Variants in FGF23 observed in about 807,000 individuals in gnomAD.
FGF23 encodes the protein phosphatonin.
A neutral mutation model predicts 9.0 loss-of-function variants in FGF23; 8 were observed. That is an observed-to-expected ratio of 0.89 (90% confidence interval 0.52 to 1.60). The LOEUF is 1.60. FGF23 is among the 40% of genes most tolerant of loss of function. The pLI is 0.00. For synonymous variants in FGF23, 118 were observed against 146.2 expected, an observed-to-expected ratio of 0.81 and a Z score of 1.39; for missense variants, 311 against 344.3, an observed-to-expected ratio of 0.90 and a Z score of 0.77.
At position 4,369,459 on chromosome 12, in the gene FGF23, A is replaced by G. The variant is rs1865036760; in HGVS notation, c.*884T>C. On this transcript the variant is annotated 3_prime_UTR_variant, in exon 3 of 3. Transcript: ENST00000237837. ...GAGTTGGAATTTATTTCCATTTTGA[A>G]AAGCAAATTCTAGCAGGGCAGATTT... is the stretch of plus-strand genomic sequence containing the variant. 3 of 229,584 alleles carry G rather than the reference A, an allele frequency of 1.3e-5. No individual in the cohort carries two copies. Among genetic ancestry groups the G allele is most frequent in the Non-Finnish European group, 2.6e-5 (3 of 115,806 alleles). The allele number at this position is 229,584 out of a possible 1,614,324, so 14.2% of individuals were successfully genotyped here. A position where few individuals can be genotyped will look rare whatever the true frequency, so the allele number is the denominator to read the frequency against.
chr12:4,379,319 G>T, intron 1 of FGF23, 53 bp downstream of exon 1: 2 of 1,533,138 alleles, frequency 1.3e-6, no homozygotes, highest in Non-Finnish European at 1.8e-6. Flanking sequence ...CAAGCCTCCT[G>T]TAGATGGACA....
chr12:4,372,804 G>T, intron 1 of FGF23, 107 bp from the exon 2 acceptor site: 2 of 784,092 alleles, frequency 2.6e-6, no homozygotes, highest in South Asian at 1.4e-5. Flanking sequence ...TGATTTTAAG[G>T]GTGGTGATAA....
At chr12:4,374,811 T>C (rs1865100707) in intron 1 of FGF23, among the ~76,000 whole-genome samples, 1 of 148,326 alleles carries the variant, frequency 6.7e-6, no homozygotes, top group Non-Finnish European at 1.5e-5. Flanking sequence ...TTATTATTAT[T>C]ATTAGTAGTA....
chr12:4,375,347 C>T (rs1006193175), intron 1 of FGF23, among the ~76,000 whole-genome samples: 3 of 152,116 alleles, frequency 2.0e-5, no homozygotes, highest in Non-Finnish European at 4.4e-5. Flanking sequence ...GCCAGTCCCC[C>T]TAGAAAACAT....
Position 4,369,786 on chromosome 12 carries a change from G to A in FGF23, c.*557C>T, listed in dbSNP as rs1356493983. 1 of 229,804 alleles carries A rather than the reference G, an allele frequency of 4.4e-6. No individual in the cohort carries two copies. Among genetic ancestry groups the A allele is most frequent in the East Asian group, 6.2e-5 (1 of 16,188 alleles). 14.2% of individuals were successfully genotyped at this position (229,804 alleles called of 1,614,324 possible). On this transcript the variant is annotated 3_prime_UTR_variant, in exon 3 of 3. Transcript: ENST00000237837. ...TCCCCAGAGATGCTCAAGGAAGAAC[G>A]AAGGCTTGAAAGTAGTGTTTTCATC... is the stretch of plus-strand genomic sequence containing the variant.
In FGF23 at chr12:4,368,496, A is replaced by T. The variant is rs1052542528; in HGVS notation, c.*1847T>A. ...TTTTATTTTAAACAGAAGAAAGGAA[A>T]AAGGGGTTACATTTTTATAAATATC... On this transcript the variant is annotated 3_prime_UTR_variant, in exon 3 of 3. Coordinates refer to ENST00000237837, the MANE Select transcript of FGF23 (RefSeq NM_020638.3). 5.5e-6 allele frequency: 1 copy of T among 183,202 alleles called. No individual in the cohort carries two copies. Among genetic ancestry groups the T allele is most frequent in the African/African-American group, 2.3e-5 (1 of 42,564 alleles). 11.3% of individuals were successfully genotyped at this position (183,202 alleles called of 1,614,324 possible). A position where few individuals can be genotyped will look rare whatever the true frequency, so the allele number is the denominator to read the frequency against.
rs1031769915 is a variant in FGF23, at chr12:4,370,872, G to T, written c.316-89C>A. 4.5e-6 allele frequency: 5 copies of T among 1,109,786 alleles called. No homozygotes were observed. In the African/African-American group the frequency reaches 4.6e-5, roughly 10 times the overall value. 68.7% of individuals were successfully genotyped at this position (1,109,786 alleles called of 1,614,324 possible). On this transcript the variant is annotated intron_variant, in intron 2 of 2. Transcript: ENST00000237837. ...CTCCTGGGGCCACATGCTTGTGCCA[G>T]CCGGCCTGAAGCTCTGCAGTTCTTA...
chr12:4,375,084 G>A (rs1591673946), intron 1 of FGF23, among the ~76,000 whole-genome samples: 1 of 152,336 alleles, frequency 6.6e-6, no homozygotes, highest in Non-Finnish European at 1.5e-5. Flanking sequence ...TGTGCCACTT[G>A]CTGACCTTGC....
intron 1 of FGF23, among the ~76,000 whole-genome samples, chr12:4,378,522 A>G (rs915962827): frequency 6.6e-6 from 1 of 152,160 alleles, no homozygotes; most frequent in Non-Finnish European, 1.5e-5. Flanking sequence ...ATCATTGCTA[A>G]TGGATTGATT....
Position 4,370,781 on chromosome 12 carries a change from G to A in FGF23, c.318C>T (p.His106=), listed in dbSNP as rs373195638. The A allele has an allele frequency of 3.7e-6, 6 of 1,613,802 alleles. No homozygotes were observed. In the African/African-American group the frequency reaches 6.7e-5, roughly 18 times the overall value. The change falls in exon 3 of 3, where the codon CAC becomes CAT. Residue 106 remains histidine, a splice_region_variant and synonymous_variant. Transcript: ENST00000237837. ...MDFRGNIFGS[H]YFDPENCRFQ... Reference sequence around the variant, plus strand: ...ACCTGCAGTTCTCCGGGTCGAAATAGTGCTGGAAGGACAAGAGCGAACCAC... The same window carrying A: ...ACCTGCAGTTCTCCGGGTCGAAATAATGCTGGAAGGACAAGAGCGAACCAC...
At chr12:4,372,783 C>T in intron 1 of FGF23, 86 bp from the exon 2 acceptor site, 1 of 855,688 alleles carries the variant, frequency 1.2e-6, no homozygotes. Context: ...CTTCATGAAA[C>T]CTCCCTGGAT....
rs1303821597 is a variant in FGF23, at chr12:4,369,254, CCT to C, written c.*1087_*1088del. ...TAACATGTCCCCTGATTTCTTTCCC[CCT>C]GAGTCCTTGATGCCACTTCATTTAG... is the stretch of plus-strand genomic sequence containing the variant. On this transcript the variant is annotated 3_prime_UTR_variant, in exon 3 of 3. Coordinates refer to ENST00000237837, the MANE Select transcript of FGF23 (RefSeq NM_020638.3). 2.6e-5 allele frequency: 6 copies of C among 231,300 alleles called. No individual in the cohort carries two copies. Among genetic ancestry groups the C allele is most frequent in the Admixed American group, 5.6e-5 (1 of 17,702 alleles). 14.3% of individuals were successfully genotyped at this position (231,300 alleles called of 1,614,324 possible). A position where few individuals can be genotyped will look rare whatever the true frequency, so the allele number is the denominator to read the frequency against.
In FGF23 at chr12:4,370,304, G is replaced by A. The variant is rs138092857; in HGVS notation, c.*39C>T. 3.7e-4 allele frequency: 592 copies of A among 1,588,054 alleles called. 3 individuals are homozygous for A. The African/African-American group carries it at 6.8e-3, about 18-fold the overall frequency. On this transcript the variant is annotated 3_prime_UTR_variant, in exon 3 of 3. Transcript: ENST00000237837. The stretch of plus-strand genomic sequence containing the variant: ...CTGGTCCTTGGGAAGAGCTGCGTTT[G>A]CTGAGGGATGGGTTAAAGAGGGTGC...
rs1366319999 is a variant in FGF23 at position 4,370,348 on chromosome 12, T to C, written c.751A>G (p.Ile251Val). Residue 251 changes from isoleucine to valine, a missense_variant, in exon 3 of 3, where the codon ATC becomes GTC. Physicochemically the swap from Ile to Val is conservative, Grantham distance 29. Coordinates refer to ENST00000237837, the MANE Select transcript of FGF23 (RefSeq NM_020638.3). ...PEGCRPFAKF[I>V] ...AGGGTGCCCTTCCAGCGACCCTAGA[T>C]GAACTTGGCGAAGGGGCGGCAGCCT... is the stretch of plus-strand genomic sequence containing the variant. 3.1e-6 allele frequency: 5 copies of C among 1,613,316 alleles called. No individual in the cohort carries two copies. In the East Asian group the frequency reaches 8.9e-5, roughly 29 times the overall value.
intron 1 of FGF23, among the ~76,000 whole-genome samples, chr12:4,378,286 A>G (rs541780145): frequency 8.2e-4 from 125 of 152,316 alleles, no homozygotes; most frequent in African/African-American, 2.9e-3. Flanking sequence ...TATTACAACA[A>G]TAAAGGGCAA....
intron 1 of FGF23, among the ~76,000 whole-genome samples, chr12:4,377,407 T>TA (rs1288859288): frequency 6.1e-5 from 9 of 146,508 alleles, no homozygotes; most frequent in African/African-American, 2.2e-4. Flanking sequence ...TTCTGCATTT[T>TA]AAATCACATA....
At chr12:4,373,813 C>T (rs915337474) in intron 1 of FGF23, among the ~76,000 whole-genome samples, 1 of 152,170 alleles carries the variant, frequency 6.6e-6, no homozygotes, top group Non-Finnish European at 1.5e-5. Context: ...GGGCTACTTC[C>T]AGTTGCCTAT....
At chr12:4,376,089 A>G (rs1865113559) in intron 1 of FGF23, among the ~76,000 whole-genome samples, 1 of 152,182 alleles carries the variant, frequency 6.6e-6, no homozygotes, top group Admixed American at 6.5e-5. Flanking sequence ...AGGAAATGAT[A>G]TTACCAGGGA....
intron 1 of FGF23, among the ~76,000 whole-genome samples, chr12:4,374,724 T>G (rs1865099165): frequency 6.6e-6 from 1 of 152,140 alleles, no homozygotes; most frequent in Non-Finnish European, 1.5e-5. Flanking sequence ...CATTTAGTAA[T>G]GGTCTTTGAG....
Sources: allele counts gnomAD v4.1 joint callset (sites outside exome capture counted in the v4.1 genomes callset), GRCh38; gene constraint gnomAD v4.1.1; transcripts MANE v1.5; gene names NCBI Gene and HGNC (gene_info 2026-07-23, HGNC 2026-07-21).